The following ASTN2 variants were observed in gnomAD, a reference collection of about 807,000 sequenced individuals.
ASTN2 encodes astrotactin 2.
A neutral mutation model predicts 139.8 loss-of-function variants in ASTN2; 54 were observed. The ratio of observed to expected loss-of-function variants is 0.39; its 90% CI spans 0.31 to 0.48. The LOEUF (loss-of-function observed/expected upper bound fraction) is 0.48, where lower values mean the gene tolerates loss of function less well. Ranked by LOEUF, ASTN2 falls within the 20% of genes least tolerant of loss-of-function variation. ASTN2 has a pLI of 0.95. For synonymous variants in ASTN2, 756 were observed against 719.5 expected (o/e 1.05, Z -0.81); for missense variants, 1,565 against 1,725.1 (o/e 0.91, Z 1.64).
intron 1 of ASTN2, among the ~76,000 whole-genome samples, chr9:117,338,430 A>G (rs890821197): frequency 1.3e-5 from 2 of 152,132 alleles, no homozygotes; most frequent in Non-Finnish European, 2.9e-5. Context: ...CAGTTCATCC[A>G]TCCATTCAGC....
intron 1 of ASTN2, among the ~76,000 whole-genome samples, chr9:117,331,477 C>T (rs1828704847): frequency 2.0e-5 from 3 of 152,116 alleles, no homozygotes. Flanking sequence ...TTAAATTGGG[C>T]TCCGAGGGTT....
In ASTN2 at chr9:116,698,694, A is replaced by G. The variant is rs1861015229; in HGVS notation, c.2806+27077T>C. 1 of 1,614,000 alleles carries G rather than the reference A, an allele frequency of 6.2e-7. No homozygotes were observed. The highest frequency in any genetic ancestry group is 8.5e-7 in the Non-Finnish European group (1 of 1,180,028). ...GGAGGCCACAGCGTCTGCTGCCTCT[A>G]CCTCTGTTACTTTTAGAGAGATGGA... On this transcript the variant is annotated intron_variant, in intron 16 of 22. Coordinates refer to ENST00000313400, the MANE Select transcript of ASTN2 (RefSeq NM_001365068.1). This position sits in a 1 kb window ranked among gnomAD's most constrained non-coding sequence, Gnocchi z 4.4.
chr9:116,497,905 C>T lies in ASTN2; in HGVS notation c.3356-10405G>A, dbSNP rs566365375. On this transcript the variant is annotated intron_variant, in intron 19 of 22. Transcript: ENST00000313400. The stretch of plus-strand genomic sequence containing the variant: ...TGTAAAGTGGAAAGAACCAACTGTA[C>T]GATGTGCTTCCTATCAGATTCTCAG... Among the ~76,000 whole-genome samples, 6 of 152,330 alleles carry T rather than the reference C, an allele frequency of 3.9e-5. No individual in the cohort carries two copies. The South Asian group carries it at 8.3e-4, about 21-fold the overall frequency.
chr9:116,496,755 C>A (rs1432924844), intron 19 of ASTN2, among the ~76,000 whole-genome samples: 3 of 152,146 alleles, frequency 2.0e-5, no homozygotes, highest in African/African-American at 7.2e-5. Flanking sequence ...GAGGCCTCAA[C>A]ATCATGGTGG....
intron 1 of ASTN2, among the ~76,000 whole-genome samples, chr9:117,411,500 A>G (rs113202079): frequency 0.039 from 5,883 of 151,656 alleles, 399 homozygotes; most frequent in African/African-American, 0.14. Flanking sequence ...CATTACCAAT[A>G]ACAGAAACAA....
chr9:116,920,809 T>G (rs557744671), intron 10 of ASTN2, among the ~76,000 whole-genome samples: 1 of 152,324 alleles, frequency 6.6e-6, no homozygotes, highest in East Asian at 1.9e-4. Context: ...CTGAAGCTCC[T>G]AGAGGTTAAG....
At chr9:116,825,411 T>A (rs1485455332) in intron 11 of ASTN2, among the ~76,000 whole-genome samples, 1 of 152,148 alleles carries the variant, frequency 6.6e-6, no homozygotes, top group African/African-American at 2.4e-5. Context: ...AAACAAGTAA[T>A]AAATTAACCA....
intron 13 of ASTN2, among the ~76,000 whole-genome samples, chr9:116,769,571 A>C (rs1829902384): frequency 6.6e-6 from 1 of 152,322 alleles, no homozygotes; most frequent in South Asian, 2.1e-4. Flanking sequence ...GAAGTTATTA[A>C]TGACATTGTA....
intron 16 of ASTN2, among the ~76,000 whole-genome samples, chr9:116,682,168 C>T (rs1185924886): frequency 1.3e-5 from 2 of 151,958 alleles, no homozygotes; most frequent in Admixed American, 6.6e-5. Context: ...TGAACTCAAA[C>T]AAATTTACAA....
chr9:116,890,756 C>G (rs1220551637), intron 10 of ASTN2, among the ~76,000 whole-genome samples: 1 of 152,184 alleles, frequency 6.6e-6, no homozygotes, highest in East Asian at 1.9e-4. Context: ...CTAATATTAT[C>G]TCATTCAGCT....
At chr9:116,628,542 T>C (rs1000882547) in intron 17 of ASTN2, among the ~76,000 whole-genome samples, 4 of 151,688 alleles carry the variant, frequency 2.6e-5, no homozygotes, top group African/African-American at 9.7e-5. Flanking sequence ...ATGGAGACAG[T>C]AAAAGGATCC....
chr9:116,634,459 G>C (rs1856961535), intron 17 of ASTN2, among the ~76,000 whole-genome samples: 1 of 151,526 alleles, frequency 6.6e-6, no homozygotes, highest in East Asian at 1.9e-4. Flanking sequence ...GCGTGGTAGC[G>C]GGCGCCTGTA....
At chr9:116,867,037 T>C (rs558594207) in intron 10 of ASTN2, among the ~76,000 whole-genome samples, 1 of 151,170 alleles carries the variant, frequency 6.6e-6, no homozygotes, top group East Asian at 2.0e-4. Flanking sequence ...TAAAGGGATC[T>C]AAAAGGTATA....
intron 3 of ASTN2, among the ~76,000 whole-genome samples, chr9:117,209,468 T>C (rs1465407754): frequency 6.6e-6 from 1 of 152,110 alleles, no homozygotes; most frequent in Non-Finnish European, 1.5e-5. Context: ...AAGGATATTA[T>C]ATGATAATAA....
chr9:116,729,197 T>C (rs1828713055), intron 14 of ASTN2, 101 bp from the exon 15 acceptor site: 5 of 854,560 alleles, frequency 5.9e-6, no homozygotes, highest in South Asian at 1.7e-5. Context: ...AGACACCTCT[T>C]TGAAGTACAA....
chr9:117,119,374 G>C (rs1829483478), intron 4 of ASTN2, among the ~76,000 whole-genome samples: 1 of 152,212 alleles, frequency 6.6e-6, no homozygotes, highest in South Asian at 2.1e-4. Flanking sequence ...ACTGGCTTCA[G>C]GTTCAAGGAG....
intron 2 of ASTN2, among the ~76,000 whole-genome samples, chr9:117,226,269 G>A (rs372118008): frequency 6.6e-6 from 1 of 152,150 alleles, no homozygotes; most frequent in Non-Finnish European, 1.5e-5. Flanking sequence ...GATGGCCTTG[G>A]GTTTGAGTAC....
At chr9:116,498,133 G>A (rs536476209) in intron 19 of ASTN2, among the ~76,000 whole-genome samples, 2 of 152,332 alleles carry the variant, frequency 1.3e-5, no homozygotes, top group East Asian at 3.9e-4. Flanking sequence ...GGCTCAGAGA[G>A]TTAAGGCAAG....
intron 17 of ASTN2, among the ~76,000 whole-genome samples, chr9:116,651,267 T>G (rs1044564379): frequency 6.6e-6 from 1 of 152,168 alleles, no homozygotes; most frequent in African/African-American, 2.4e-5. Context: ...CTATTTGGGA[T>G]GTTGCACAAA....
Sources: allele counts gnomAD v4.1 joint callset (sites outside exome capture counted in the v4.1 genomes callset), GRCh38; gene constraint gnomAD v4.1.1; non-coding constraint Gnocchi (gnomAD v3.1); transcripts MANE v1.5; gene names NCBI Gene and HGNC (gene_info 2026-07-23, HGNC 2026-07-21).